Variants in RORA observed in about 807,000 individuals in gnomAD.
RORA encodes RAR related orphan receptor A.
A neutral mutation model predicts 69.5 loss-of-function variants in RORA; 7 were observed. The ratio of observed to expected loss-of-function variants is 0.10; its 90% CI spans 0.06 to 0.19. The LOEUF (loss-of-function observed/expected upper bound fraction) is 0.19. Ranked by LOEUF, RORA falls within the 10% of genes least tolerant of loss-of-function variation. RORA has a pLI of 1.00. For synonymous variants in RORA, 261 were observed against 240.8 expected (o/e 1.08, Z -0.78); for missense variants, 457 against 663.0 (o/e 0.69, Z 3.41).
intron 2 of RORA, among the ~76,000 whole-genome samples, chr15:60,591,177 T>C (rs1025105825): frequency 6.6e-5 from 10 of 152,130 alleles, no homozygotes; most frequent in Non-Finnish European, 1.0e-4. Context: ...TGCTGCGCAT[T>C]AGGGAAGCCG....
chr15:61,016,593 C>T (rs985967046), intron 1 of RORA, among the ~76,000 whole-genome samples: 11 of 152,128 alleles, frequency 7.2e-5, no homozygotes, highest in African/African-American at 1.9e-4. Context: ...GTGTGTTCTA[C>T]GAGCTTTGGG....
chr15:60,949,597 C>T (rs900401933), intron 1 of RORA, among the ~76,000 whole-genome samples: 1 of 152,182 alleles, frequency 6.6e-6, no homozygotes, highest in Non-Finnish European at 1.5e-5. Flanking sequence ...GCTGGACACT[C>T]CACTGCAGGA....
At chr15:60,510,492 T>G (rs1234554196) in intron 5 of RORA, 1 of 152,246 alleles carries the variant, frequency 6.6e-6, no homozygotes, top group Non-Finnish European at 1.5e-5. Flanking sequence ...TTATATGAAT[T>G]ACATCAATTT....
intron 1 of RORA, among the ~76,000 whole-genome samples, chr15:61,078,327 C>CTGTGTGTGTGTG (rs1473446129): frequency 3.8e-5 from 4 of 105,116 alleles, no homozygotes; most frequent in Non-Finnish European, 4.0e-5. Flanking sequence ...CCACACCTGG[C>CTGTGTGTGTGTG]TCTGTGTGTG....
intron 1 of RORA, among the ~76,000 whole-genome samples, chr15:60,692,578 T>C (rs952816640): frequency 2.0e-5 from 3 of 152,210 alleles, no homozygotes; most frequent in African/African-American, 7.2e-5. Flanking sequence ...TGAAATGATA[T>C]GATGTCTGGG....
At chr15:60,910,665 C>G (rs1292238050) in intron 1 of RORA, among the ~76,000 whole-genome samples, 1 of 152,140 alleles carries the variant, frequency 6.6e-6, no homozygotes, top group Admixed American at 6.5e-5. Flanking sequence ...GAGAAACAGA[C>G]AAGGTACAAA....
intron 2 of RORA, among the ~76,000 whole-genome samples, chr15:60,591,997 C>T: frequency 6.6e-6 from 1 of 151,998 alleles, no homozygotes. Flanking sequence ...GGGTGCGGGC[C>T]CTGGGGACCG....
chr15:60,503,512 A>G (rs530561054), intron 7 of RORA, 23 bp downstream of exon 7: 3 of 1,613,304 alleles, frequency 1.9e-6, no homozygotes, highest in South Asian at 1.1e-5. Context: ...AGAGATCTCA[A>G]AATTCACTTG....
chr15:60,709,066 G>T (rs2071107616), intron 1 of RORA, among the ~76,000 whole-genome samples: 1 of 152,146 alleles, frequency 6.6e-6, no homozygotes, highest in African/African-American at 2.4e-5. Context: ...AGGCCTTCAG[G>T]AAACCATTGA....
chr15:60,658,040 G>A (rs2070248385), intron 2 of RORA, among the ~76,000 whole-genome samples: 1 of 152,082 alleles, frequency 6.6e-6, no homozygotes, highest in Non-Finnish European at 1.5e-5. Flanking sequence ...AAAAGGAAAA[G>A]CGGGGAGTGG....
chr15:61,013,779 C>CTTTT (rs3053960), intron 1 of RORA, among the ~76,000 whole-genome samples: 6 of 70,944 alleles, frequency 8.5e-5, no homozygotes, highest in East Asian at 4.2e-4. Context: ...ACTGGGTTGG[C>CTTTT]TTTTTTTTTT....
At chr15:61,178,813 A>G (rs1406210798) in intron 1 of RORA, among the ~76,000 whole-genome samples, 2 of 152,230 alleles carry the variant, frequency 1.3e-5, no homozygotes, top group Admixed American at 1.3e-4. Context: ...CAACTGTTAA[A>G]TGGAAACATG....
chr15:61,076,920 CCTTG>C (rs2078458688), intron 1 of RORA, among the ~76,000 whole-genome samples: 2 of 149,864 alleles, frequency 1.3e-5, no homozygotes, highest in African/African-American at 4.9e-5. Flanking sequence ...ACCCCCTCTC[CCTTG>C]CTTGTTCAAA....
At chr15:61,010,196 A>T (rs1342826668) in intron 1 of RORA, among the ~76,000 whole-genome samples, 1 of 152,190 alleles carries the variant, frequency 6.6e-6, no homozygotes, top group Non-Finnish European at 1.5e-5. Context: ...GCCTTATGAA[A>T]ATCCCTAGCT....
rs547976849 is a variant in RORA, at chr15:60,489,052, C to G, written c.*8403G>C. The G allele has an allele frequency of 2.0e-5, 3 of 152,004 alleles. No homozygotes were observed. Among genetic ancestry groups the G allele is most frequent in the Non-Finnish European group, 4.4e-5 (3 of 67,988 alleles). The allele number at this position is 152,004 out of a possible 1,614,324, so 9.4% of individuals were successfully genotyped here. A position where few individuals can be genotyped will look rare whatever the true frequency, so the allele number is the denominator to read the frequency against. On this transcript the variant is annotated 3_prime_UTR_variant, in exon 11 of 11. Coordinates refer to ENST00000335670, the MANE Select transcript of RORA (RefSeq NM_134261.3). ...ACATGTGCTAGCCATTGTGCAGACG[C>G]AAAAAGATACAATCTCTACCCTCAG...
intron 1 of RORA, among the ~76,000 whole-genome samples, chr15:61,202,504 T>C (rs1304288459): frequency 6.6e-6 from 1 of 152,002 alleles, no homozygotes; most frequent in East Asian, 1.9e-4. Context: ...AACGTACAGA[T>C]GATGCAATGC....
At chr15:60,840,512 C>G (rs976557694) in intron 1 of RORA, among the ~76,000 whole-genome samples, 1 of 152,256 alleles carries the variant, frequency 6.6e-6, no homozygotes, top group Non-Finnish European at 1.5e-5. Flanking sequence ...CCCACTCTCA[C>G]CAGCAGAGGC....
At chr15:61,200,035 C>T (rs1260939167) in intron 1 of RORA, among the ~76,000 whole-genome samples, 1 of 152,168 alleles carries the variant, frequency 6.6e-6, no homozygotes, top group East Asian at 1.9e-4. Context: ...TCAGAAACAT[C>T]TTAATGGGTC....
At chr15:60,940,296 C>G (rs1892653533) in intron 1 of RORA, among the ~76,000 whole-genome samples, 1 of 152,174 alleles carries the variant, frequency 6.6e-6, no homozygotes, top group Non-Finnish European at 1.5e-5. Flanking sequence ...AATAAACAAA[C>G]TGTACGTCCA....
Sources: gnomAD v4.1 joint callset for allele counts (sites outside exome capture counted in the v4.1 genomes callset) on GRCh38, gnomAD v4.1.1 for gene constraint, MANE v1.5 for transcripts, NCBI Gene and HGNC (gene_info 2026-07-23, HGNC 2026-07-21) for gene names.